The following SHPRH variants were observed in gnomAD, a reference collection of about 807,000 sequenced individuals.
SHPRH encodes the protein SNF2 histone linker PHD RING helicase.
SHPRH carries 106 observed loss-of-function variants against 202.5 expected under a neutral mutation model. That is an observed-to-expected ratio of 0.52 (90% CI 0.45 to 0.62). The LOEUF (loss-of-function observed/expected upper bound fraction) is 0.62, where lower values mean the gene tolerates loss of function less well. Ranked by LOEUF, SHPRH falls within the 20% of genes least tolerant of loss-of-function variation. The pLI is 0.00. For synonymous variants in SHPRH, 729 were observed against 686.0 expected, an observed-to-expected ratio of 1.06 and a Z score of -0.98; for missense variants, 1,710 against 2,020.0, an observed-to-expected ratio of 0.85 and a Z score of 2.94.
chr6:145,934,359 G>A (rs1412286967), intron 13 of SHPRH, among the ~76,000 whole-genome samples: 1 of 151,862 alleles, frequency 6.6e-6, no homozygotes, highest in Non-Finnish European at 1.5e-5. Context: ...CCAGGTACTT[G>A]GAGGGGTGGG....
At chr6:145,879,867 G>T (rs942146993), downstream of SHPRH, among the ~76,000 whole-genome samples, 3 of 133,242 alleles carry the variant, frequency 2.3e-5, no homozygotes, top group African/African-American at 8.7e-5. Context: ...AGCCAAGATC[G>T]CACCATTGCA....
At chr6:145,954,631 T>C in intron 2 of SHPRH, 59 bp downstream of exon 2, 3 of 1,503,942 alleles carry the variant, frequency 2.0e-6, no homozygotes, top group Non-Finnish European at 1.8e-6. Flanking sequence ...CAAGTTAATT[T>C]AAAATTGGAC....
chr6:145,910,877 G>A (rs542197204), intron 24 of SHPRH, among the ~76,000 whole-genome samples: 2 of 152,162 alleles, frequency 1.3e-5, no homozygotes, highest in South Asian at 2.1e-4. Flanking sequence ...GTAGAAAGGT[G>A]GTGTTCTCAT....
chr6:145,902,199 A>G (rs1782562448), intron 25 of SHPRH, among the ~76,000 whole-genome samples: 2 of 152,122 alleles, frequency 1.3e-5, no homozygotes, highest in South Asian at 4.1e-4. Context: ...ACACACTGAA[A>G]AAAGAGTAGA....
intron 28 of SHPRH, among the ~76,000 whole-genome samples, chr6:145,890,452 C>T (rs535157346): frequency 6.6e-6 from 1 of 152,262 alleles, no homozygotes; most frequent in Non-Finnish European, 1.5e-5. Context: ...GCACTTGAAA[C>T]AGGTGACCAT....
chr6:145,927,156 G>T, intron 15 of SHPRH, 33 bp downstream of exon 15: 1 of 1,578,516 alleles, frequency 6.3e-7, no homozygotes. Flanking sequence ...AAAACAAACA[G>T]AATACCTATG....
chr6:145,874,784 T>C (rs1780226195), intron 2 of SHPRH, among the ~76,000 whole-genome samples: 1 of 152,224 alleles, frequency 6.6e-6, no homozygotes, highest in Non-Finnish European at 1.5e-5. Context: ...GTTTAAACTT[T>C]AGAGCAACAT....
At chr6:145,926,062 C>CAA (rs1259949377) in intron 16 of SHPRH, 142 bp downstream of exon 16, 7 of 787,424 alleles carry the variant, frequency 8.9e-6, no homozygotes, top group Non-Finnish European at 1.4e-5. Flanking sequence ...CCCAAAATCA[C>CAA]AACAAAATTC....
intron 16 of SHPRH, among the ~76,000 whole-genome samples, chr6:145,925,842 A>C (rs1784828898): frequency 6.6e-6 from 1 of 151,992 alleles, no homozygotes; most frequent in South Asian, 2.1e-4. Flanking sequence ...AATACACAGA[A>C]ATGTGGAGAA....
At chr6:145,874,041 A>C (rs546628249) in intron 2 of SHPRH, among the ~76,000 whole-genome samples, 1 of 152,158 alleles carries the variant, frequency 6.6e-6, no homozygotes, top group East Asian at 1.9e-4. Context: ...TCTATTAAAA[A>C]TACAAAATTA....
intron 25 of SHPRH, among the ~76,000 whole-genome samples, chr6:145,897,396 A>T (rs555139298): frequency 2.0e-5 from 3 of 152,244 alleles, no homozygotes; most frequent in Admixed American, 1.3e-4. Context: ...TCAGTAATAA[A>T]AAGTCTCCCC....
intron 1 of SHPRH, among the ~76,000 whole-genome samples, chr6:145,960,546 GC>G (rs1788984746): frequency 6.6e-6 from 1 of 152,158 alleles, no homozygotes; most frequent in South Asian, 2.1e-4. Flanking sequence ...CATTAGCAAA[GC>G]GATGTGGCTT....
chr6:145,874,947 T>A (rs1382425742), intron 2 of SHPRH, among the ~76,000 whole-genome samples: 1 of 152,224 alleles, frequency 6.6e-6, no homozygotes, highest in Non-Finnish European at 1.5e-5. Flanking sequence ...TTTTTTCTTT[T>A]GGTACATGGT....
chr6:145,943,098 A>G, intron 9 of SHPRH, 45 bp downstream of exon 9: 1 of 1,517,998 alleles, frequency 6.6e-7, no homozygotes, highest in Admixed American at 2.2e-5. Context: ...ATGAAGAAGC[A>G]AAACTTTACA....
At chr6:145,907,706 C>CT (rs1256159257) in intron 25 of SHPRH, 1 of 152,050 alleles carries the variant, frequency 6.6e-6, no homozygotes. Flanking sequence ...TCTCCTCAGG[C>CT]TGACTAATTC....
At chr6:145,883,156 A>C (rs1780712009), downstream of SHPRH, 1 of 152,254 alleles carries the variant, frequency 6.6e-6, no homozygotes, top group Non-Finnish European at 1.5e-5. Flanking sequence ...ACCTATATAA[A>C]GATCATTATA....
chr6:145,962,919 A>T (rs1408471401), intron 1 of SHPRH, among the ~76,000 whole-genome samples: 1 of 152,194 alleles, frequency 6.6e-6, no homozygotes, highest in African/African-American at 2.4e-5. Context: ...AACTTTAAAA[A>T]TGCCCTCATA....
intron 17 of SHPRH, 48 bp downstream of exon 17, chr6:145,924,691 T>C (rs1784711995): frequency 2.6e-6 from 4 of 1,550,300 alleles, no homozygotes; most frequent in Non-Finnish European, 3.5e-6. Flanking sequence ...AAACTCAAAA[T>C]GATATCTGGA....
chr6:145,868,185 T>C (rs1380751512), intron 2 of SHPRH, among the ~76,000 whole-genome samples: 3 of 152,200 alleles, frequency 2.0e-5, no homozygotes, highest in African/African-American at 7.2e-5. Context: ...GCTCCTCTTC[T>C]TGTAAGAGTG....
Sources: allele counts gnomAD v4.1 joint callset (sites outside exome capture counted in the v4.1 genomes callset), GRCh38; gene constraint gnomAD v4.1.1; transcripts MANE v1.5; gene names NCBI Gene and HGNC (gene_info 2026-07-23, HGNC 2026-07-21).